Variants in CNTN4 observed in about 807,000 individuals in gnomAD.
The protein encoded by CNTN4 is contactin-4.
A neutral mutation model predicts 122.5 loss-of-function variants in CNTN4; 77 were observed. That is an observed-to-expected ratio of 0.63 (90% CI 0.52 to 0.76). The LOEUF (loss-of-function observed/expected upper bound fraction) is 0.76, where lower values mean the gene tolerates loss of function less well. CNTN4 is among the 30% of genes least tolerant of loss of function. CNTN4 has a pLI of 0.00. For missense variants in CNTN4, 1,256 were observed against 1,259.1 expected (o/e 1.00, Z 0.04); for synonymous variants, 512 against 447.0 (o/e 1.15, Z -1.83).
At chr3:2,330,637 C>G (rs538075551) in intron 2 of CNTN4, among the ~76,000 whole-genome samples, 11 of 152,074 alleles carry the variant, frequency 7.2e-5, no homozygotes, top group African/African-American at 2.7e-4. Flanking sequence ...CACAGAGAAT[C>G]TAAGTAATTT....
At chr3:2,923,186 A>T (rs934569866) in intron 12 of CNTN4, among the ~76,000 whole-genome samples, 1 of 152,226 alleles carries the variant, frequency 6.6e-6, no homozygotes, top group African/African-American at 2.4e-5. Context: ...AATGGATGAA[A>T]AATGTCCGCC....
At chr3:2,652,933 G>T (rs1373968240) in intron 4 of CNTN4, among the ~76,000 whole-genome samples, 1 of 151,886 alleles carries the variant, frequency 6.6e-6, no homozygotes, top group African/African-American at 2.4e-5. Flanking sequence ...CTTGTCCTTT[G>T]AAGTTAGATT....
chr3:2,381,286 G>A (rs532128591), intron 3 of CNTN4, among the ~76,000 whole-genome samples: 1 of 152,086 alleles, frequency 6.6e-6, no homozygotes, highest in Non-Finnish European at 1.5e-5. Flanking sequence ...GATTACAGGC[G>A]TGAGCCACTG....
intron 14 of CNTN4, among the ~76,000 whole-genome samples, chr3:2,997,269 T>G (rs1277705180): frequency 6.6e-6 from 1 of 152,254 alleles, no homozygotes; most frequent in Non-Finnish European, 1.5e-5. Context: ...TCATGTAGAC[T>G]GGTTTTATGT....
intron 3 of CNTN4, among the ~76,000 whole-genome samples, chr3:2,349,831 A>T (rs2044539844): frequency 6.6e-6 from 1 of 152,206 alleles, no homozygotes; most frequent in Non-Finnish European, 1.5e-5. Context: ...TGTTGAAACA[A>T]CCCGAAACAA....
intron 6 of CNTN4, among the ~76,000 whole-genome samples, chr3:2,781,739 T>C (rs1182878794): frequency 1.4e-5 from 2 of 139,420 alleles, no homozygotes; most frequent in Admixed American, 7.0e-5. Flanking sequence ...TTTTTTTTTT[T>C]TTTGAGACGG....
chr3:2,787,987 A>G (rs1189554185), intron 6 of CNTN4, among the ~76,000 whole-genome samples: 2 of 151,932 alleles, frequency 1.3e-5, no homozygotes, highest in African/African-American at 4.8e-5. Flanking sequence ...ACGGGGCTTC[A>G]CCATGTTGGC....
At chr3:2,949,534 C>T (rs1318727393) in intron 13 of CNTN4, among the ~76,000 whole-genome samples, 2 of 152,142 alleles carry the variant, frequency 1.3e-5, no homozygotes, top group Non-Finnish European at 2.9e-5. Flanking sequence ...TATGGGAAGG[C>T]ACAGGCTAAG....
At chr3:2,437,501 A>G (rs2048297352) in intron 3 of CNTN4, among the ~76,000 whole-genome samples, 1 of 152,154 alleles carries the variant, frequency 6.6e-6, no homozygotes, top group African/African-American at 2.4e-5. Context: ...CCATATTTCT[A>G]AATTCCTATA....
chr3:2,895,995 C>T (rs779633128), intron 10 of CNTN4, among the ~76,000 whole-genome samples: 13 of 152,026 alleles, frequency 8.6e-5, no homozygotes, highest in South Asian at 8.3e-4. Context: ...ATGGCGCCAC[C>T]GCACTCTGGT....
At chr3:2,498,789 T>G (rs2076519796) in intron 3 of CNTN4, among the ~76,000 whole-genome samples, 1 of 151,938 alleles carries the variant, frequency 6.6e-6, no homozygotes, top group South Asian at 2.1e-4. Context: ...TTCCTCTTAT[T>G]GATGGTGCTT....
chr3:2,634,968 A>T (rs1366238754), intron 4 of CNTN4, among the ~76,000 whole-genome samples: 1 of 152,184 alleles, frequency 6.6e-6, no homozygotes, highest in Admixed American at 6.5e-5. Flanking sequence ...TAGTAGAAAG[A>T]CCTGGTATGT....
At chr3:2,552,969 A>G (rs1479096715) in intron 3 of CNTN4, among the ~76,000 whole-genome samples, 2 of 152,246 alleles carry the variant, frequency 1.3e-5, no homozygotes, top group African/African-American at 4.8e-5. Context: ...CACTGTGTGT[A>G]CTTGAGGACC....
intron 14 of CNTN4, among the ~76,000 whole-genome samples, chr3:3,021,369 C>G (rs1412663619): frequency 6.6e-6 from 1 of 152,198 alleles, no homozygotes; most frequent in African/African-American, 2.4e-5. Flanking sequence ...AATCAACACT[C>G]TTTGCTGTGG....
At chr3:2,654,846 G>A (rs559167084) in intron 4 of CNTN4, among the ~76,000 whole-genome samples, 57 of 152,156 alleles carry the variant, frequency 3.7e-4, no homozygotes, top group African/African-American at 1.4e-3. Flanking sequence ...CAGCTTCTTT[G>A]CTTCTTCTTC....
rs149076672 is a variant in CNTN4, at chr3:2,587,668, T to C, written c.55+16110T>C. ...CAGCTATGCGCTCGATTCAGTTGAATTTAAGAAGATTATCAATGGCATTTC... is the reference window on the plus strand; with the variant it reads ...CAGCTATGCGCTCGATTCAGTTGAACTTAAGAAGATTATCAATGGCATTTC... On this transcript the variant is annotated intron_variant, in intron 4 of 24. Coordinates refer to ENST00000418658, the MANE Select transcript of CNTN4 (RefSeq NM_175607.3). Among the ~76,000 whole-genome samples, 696 of 152,354 alleles carry C rather than the reference T, an allele frequency of 4.6e-3. 2 individuals carry two copies. Among genetic ancestry groups the C allele is most frequent in the Admixed American group, 0.012 (178 of 15,310 alleles).
At chr3:2,381,279 T>G (rs563312844) in intron 3 of CNTN4, among the ~76,000 whole-genome samples, 1 of 152,220 alleles carries the variant, frequency 6.6e-6, no homozygotes, top group Non-Finnish European at 1.5e-5. Context: ...GTGCTGGGAT[T>G]ACAGGCGTGA....
intron 4 of CNTN4, among the ~76,000 whole-genome samples, chr3:2,650,422 A>T (rs1249752402): frequency 6.6e-6 from 1 of 152,222 alleles, no homozygotes; most frequent in Non-Finnish European, 1.5e-5. Flanking sequence ...TGTTGAAATG[A>T]CAACAAAAGA....
At chr3:2,441,919 A>G (rs1336164531) in intron 3 of CNTN4, among the ~76,000 whole-genome samples, 3 of 152,102 alleles carry the variant, frequency 2.0e-5, no homozygotes, top group African/African-American at 7.2e-5. Flanking sequence ...AAAATGCTGT[A>G]TTTTCATTTC....
Sources: allele counts gnomAD v4.1 joint callset (sites outside exome capture counted in the v4.1 genomes callset), GRCh38; gene constraint gnomAD v4.1.1; transcripts MANE v1.5; gene names NCBI Gene and HGNC (gene_info 2026-07-23, HGNC 2026-07-21).